Variants in EIF2B3 observed in about 807,000 individuals in gnomAD.
EIF2B3 encodes the protein eukaryotic translation initiation factor 2B subunit gamma.
EIF2B3 carries 20 observed loss-of-function variants against 54.1 expected under a neutral mutation model. That is an observed-to-expected ratio of 0.37 (90% CI 0.26 to 0.54). The LOEUF is 0.54. EIF2B3 is among the 20% of genes least tolerant of loss of function. The pLI, the probability that EIF2B3 is intolerant of heterozygous loss-of-function variation, is 0.86. For synonymous variants in EIF2B3, 153 were observed against 188.1 expected (o/e 0.81, Z 1.52); for missense variants, 448 against 547.8 (o/e 0.82, Z 1.82).
intron 4 of EIF2B3, among the ~76,000 whole-genome samples, chr1:44,930,761 C>G (rs1221175145): frequency 1.3e-5 from 2 of 152,230 alleles, no homozygotes; most frequent in Non-Finnish European, 2.9e-5. Flanking sequence ...CTGCCTCAAC[C>G]TCCCAAGTAG....
chr1:44,891,371 C>A (rs1174423561), intron 6 of EIF2B3, among the ~76,000 whole-genome samples: 1 of 152,156 alleles, frequency 6.6e-6, no homozygotes, highest in Non-Finnish European at 1.5e-5. Flanking sequence ...AGTAATCCTT[C>A]CTGCTTCAGC....
chr1:44,978,621 C>CTT (rs57964686), intron 2 of EIF2B3, among the ~76,000 whole-genome samples, 161 bp from the exon 3 acceptor site: 4,094 of 76,262 alleles, frequency 0.054, 694 homozygotes, highest in Non-Finnish European at 0.061. Context: ...CCAATAAATT[C>CTT]TTTTTTTTTT....
chr1:44,962,809 C>G (rs1287705892), intron 3 of EIF2B3, among the ~76,000 whole-genome samples: 1 of 152,158 alleles, frequency 6.6e-6, no homozygotes, highest in African/African-American at 2.4e-5. Flanking sequence ...TTCATTCATT[C>G]AACAAATAAT....
At chr1:44,926,484 T>C in intron 5 of EIF2B3, 144 bp downstream of exon 5, 1 of 672,304 alleles carries the variant, frequency 1.5e-6, no homozygotes, top group Non-Finnish European at 2.6e-6. Context: ...GCCTTCATCC[T>C]GTCTCATGGG....
intron 5 of EIF2B3, among the ~76,000 whole-genome samples, chr1:44,910,832 TTCTC>T (rs906871834): frequency 5.1e-4 from 77 of 151,904 alleles, no homozygotes; most frequent in African/African-American, 1.5e-3. Context: ...CATTGTCCTT[TTCTC>T]TCTCTCTTTC....
intron 3 of EIF2B3, among the ~76,000 whole-genome samples, chr1:44,949,717 AG>A (rs1416769737): frequency 2.6e-5 from 4 of 152,204 alleles, no homozygotes; most frequent in Non-Finnish European, 5.9e-5. Context: ...AGAAGTCAAA[AG>A]CAGCTGTCCT....
chr1:44,946,098 T>C (rs1644099165), intron 3 of EIF2B3, among the ~76,000 whole-genome samples: 1 of 152,220 alleles, frequency 6.6e-6, no homozygotes, highest in Admixed American at 6.5e-5. Flanking sequence ...CTTTGCGTTT[T>C]GATGACTTTT....
intron 6 of EIF2B3, among the ~76,000 whole-genome samples, chr1:44,882,246 G>A (rs1442489201): frequency 6.6e-6 from 1 of 152,192 alleles, no homozygotes; most frequent in Non-Finnish European, 1.5e-5. Flanking sequence ...AAAAGCAGAA[G>A]GTTAAGCTAA....
chr1:44,902,829 T>TAAA (rs11458839), intron 5 of EIF2B3, among the ~76,000 whole-genome samples: 5,131 of 85,204 alleles, frequency 0.06, 645 homozygotes, highest in Non-Finnish European at 0.072. Flanking sequence ...ACTCTTTCTT[T>TAAA]AAAAAAAAAA....
At chr1:44,939,752 A>G (rs553454955) in intron 4 of EIF2B3, among the ~76,000 whole-genome samples, 1 of 152,266 alleles carries the variant, frequency 6.6e-6, no homozygotes, top group South Asian at 2.1e-4. Context: ...AAGTTTTATC[A>G]ATGCCTATGA....
intron 3 of EIF2B3, among the ~76,000 whole-genome samples, chr1:44,969,106 C>T (rs978900281): frequency 2.6e-5 from 4 of 152,104 alleles, no homozygotes; most frequent in African/African-American, 7.2e-5. Flanking sequence ...TGATCATCAA[C>T]GGCTGCTAAC....
chr1:44,910,273 G>A (rs1010300049), intron 5 of EIF2B3, among the ~76,000 whole-genome samples: 1 of 152,178 alleles, frequency 6.6e-6, no homozygotes, highest in African/African-American at 2.4e-5. Flanking sequence ...GGGGGAAACT[G>A]AGGCTTAGAA....
At chr1:44,880,845 T>C (rs1284847285) in intron 7 of EIF2B3, among the ~76,000 whole-genome samples, 1 of 151,854 alleles carries the variant, frequency 6.6e-6, no homozygotes, top group Non-Finnish European at 1.5e-5. Context: ...CCTGTAGTCC[T>C]AGCTGCTGGG....
Position 44,925,753 on chromosome 1 carries a change from G to A in EIF2B3, c.566+875C>T, listed in dbSNP as rs942494751. Reference sequence around the variant, plus strand: ...AGCCCAGCCAATATGGTGAAACCCCGTATCTACTAAAAATACAAAAATTAG... The same window carrying A: ...AGCCCAGCCAATATGGTGAAACCCCATATCTACTAAAAATACAAAAATTAG... On this transcript the variant is annotated intron_variant, in intron 5 of 11. Coordinates refer to ENST00000360403, the MANE Select transcript of EIF2B3 (RefSeq NM_020365.5). Among the ~76,000 whole-genome samples the A allele has an allele frequency of 1.4e-4, 21 of 152,058 alleles. 1 individual carries two copies. The highest frequency in any genetic ancestry group is 6.2e-4 in the South Asian group (3 of 4,814).
chr1:44,923,464 A>G (rs1323932223), intron 5 of EIF2B3, among the ~76,000 whole-genome samples: 1 of 152,216 alleles, frequency 6.6e-6, no homozygotes. Flanking sequence ...TCCTTTGTAT[A>G]TGATATCCTC....
intron 6 of EIF2B3, among the ~76,000 whole-genome samples, chr1:44,886,298 C>G (rs1053046066): frequency 1.3e-5 from 2 of 151,356 alleles, no homozygotes; most frequent in African/African-American, 4.9e-5. Context: ...CCAGGCTGGT[C>G]TCGAACTCCT....
chr1:44,850,948 A>T lies in EIF2B3; in HGVS notation c.*3T>A. The T allele has an allele frequency of 6.2e-7, 1 of 1,614,174 alleles. No homozygotes were observed. Among genetic ancestry groups the T allele is most frequent in the Non-Finnish European group, 8.5e-7 (1 of 1,180,020 alleles). Reference sequence around the variant, plus strand: ...AAAGGAAGGAGTCTGACTTGCTCAGAACTCAGATCTCCATGAGCTGGTCAT... The same window carrying T: ...AAAGGAAGGAGTCTGACTTGCTCAGTACTCAGATCTCCATGAGCTGGTCAT... On this transcript the variant is annotated 3_prime_UTR_variant, in exon 12 of 12. Transcript: ENST00000360403.
intron 6 of EIF2B3, among the ~76,000 whole-genome samples, chr1:44,892,388 T>C (rs144888149): frequency 6.6e-6 from 1 of 152,152 alleles, no homozygotes; most frequent in Non-Finnish European, 1.5e-5. Context: ...GAGACCAGCC[T>C]GGGCAACATA....
chr1:44,947,115 C>G (rs371758591), intron 3 of EIF2B3, among the ~76,000 whole-genome samples: 1 of 152,208 alleles, frequency 6.6e-6, no homozygotes, highest in African/African-American at 2.4e-5. Flanking sequence ...AAAGATCTCC[C>G]TACTCACTAT....
Sources: allele counts gnomAD v4.1 joint callset (sites outside exome capture counted in the v4.1 genomes callset), GRCh38; gene constraint gnomAD v4.1.1; transcripts MANE v1.5; gene names NCBI Gene and HGNC (gene_info 2026-07-23, HGNC 2026-07-21).